NHSL2: variants seen among roughly 807,000 people sequenced by gnomAD.
The protein encoded by NHSL2 is NHS-like protein 2.
Under a neutral mutation model 53.4 loss-of-function variants are expected in NHSL2, and 27 were observed. That is an observed-to-expected ratio of 0.51 (90% confidence interval 0.37 to 0.70). The LOEUF is 0.70. Ranked by LOEUF, NHSL2 falls within the 30% of genes least tolerant of loss-of-function variation. The pLI is 0.00. For missense variants in NHSL2, 892 were observed against 980.1 expected, an observed-to-expected ratio of 0.91 and a Z score of 1.20; for synonymous variants, 408 against 404.1, an observed-to-expected ratio of 1.01 and a Z score of -0.12.
intron 1 of NHSL2, among the ~76,000 whole-genome samples, chrX:72,058,364 G>C (rs2042380871): frequency 9.1e-6 from 1 of 110,042 alleles, no homozygotes; most frequent in African/African-American, 3.3e-5. Context: ...AATTTTTTTT[G>C]AGATGGAGTC....
intron 1 of NHSL2, among the ~76,000 whole-genome samples, chrX:72,069,256 C>T (rs1407713935): frequency 1.8e-5 from 2 of 111,170 alleles, no homozygotes; most frequent in African/African-American, 3.3e-5. Context: ...GCGGGCGAGT[C>T]GGGTCCCGGG....
intron 1 of NHSL2, among the ~76,000 whole-genome samples, chrX:71,933,983 C>T (rs1569464010): frequency 9.0e-6 from 1 of 111,370 alleles, no homozygotes; most frequent in Non-Finnish European, 1.9e-5. Flanking sequence ...CAGGCACCTC[C>T]AAGAGCGACC....
intron 1 of NHSL2, among the ~76,000 whole-genome samples, chrX:71,993,304 C>T (rs1203223633): frequency 2.7e-5 from 3 of 112,417 alleles, no homozygotes; most frequent in African/African-American, 3.2e-5. Context: ...TTATGTTCAG[C>T]GAAAGGCCTT....
At chrX:71,998,731 C>G (rs2042060395) in intron 1 of NHSL2, among the ~76,000 whole-genome samples, 2 of 111,521 alleles carry the variant, frequency 1.8e-5, no homozygotes, top group African/African-American at 6.5e-5. Context: ...TTTCTGCACT[C>G]TCAGGGAGGA....
chrX:72,014,252 G>T (rs1427221714), intron 1 of NHSL2, among the ~76,000 whole-genome samples: 1 of 111,448 alleles, frequency 9.0e-6, no homozygotes, highest in Non-Finnish European at 1.9e-5. Flanking sequence ...TTATTTCATT[G>T]ATTTTCTCTA....
Position 72,138,990 on chromosome X carries a change from C to A in NHSL2, c.1442C>A (p.Thr481Asn). The change falls in exon 6 of 8, where the codon ACC (threonine) becomes AAC (asparagine). Residue 481 changes from threonine (T) to asparagine (N), a missense_variant. Thr to Asn is a moderately conservative substitution (Grantham distance 65). Transcript: ENST00000633930. Reference sequence around the variant, plus strand: ...AAGATTGGCCTTCTGACCAGTGGGACCTCGAGGCTGGAGACAGGCCCCGGT... The same window carrying A: ...AAGATTGGCCTTCTGACCAGTGGGAACTCGAGGCTGGAGACAGGCCCCGGT... ...PSKIGLLTSGTSRLETGPGGA... is the reference protein window; with the variant it reads ...PSKIGLLTSGNSRLETGPGGA... 3 of 1,190,549 alleles carry A rather than the reference C, an allele frequency of 2.5e-6. No homozygotes were observed. Among genetic ancestry groups the A allele is most frequent in the South Asian group, 1.8e-5 (1 of 54,232 alleles).
At chrX:72,040,356 A>C (rs2042267012) in intron 1 of NHSL2, among the ~76,000 whole-genome samples, 1 of 112,357 alleles carries the variant, frequency 8.9e-6, no homozygotes, top group South Asian at 3.7e-4. Context: ...AACGGCCCTA[A>C]CACTTATTAA....
intron 1 of NHSL2, among the ~76,000 whole-genome samples, chrX:72,123,500 G>A (rs1483751838): frequency 6.3e-5 from 7 of 111,444 alleles, no homozygotes; most frequent in Admixed American, 5.7e-4. Flanking sequence ...GCCTGCTTCA[G>A]TAGCTCAGGT....
intron 1 of NHSL2, among the ~76,000 whole-genome samples, chrX:71,935,150 T>G (rs1426872741): frequency 8.9e-6 from 1 of 112,009 alleles, no homozygotes; most frequent in Non-Finnish European, 1.9e-5. Flanking sequence ...CGGGAGTCCT[T>G]CAGGGTCTCT....
chrX:72,059,301 G>A (rs1456011252), intron 1 of NHSL2, among the ~76,000 whole-genome samples: 2 of 110,565 alleles, frequency 1.8e-5, no homozygotes, highest in Admixed American at 9.6e-5. Context: ...TGGTGTCCCG[G>A]CCCCTCTCCA....
At chrX:71,990,268 C>T (rs1313710569) in intron 1 of NHSL2, among the ~76,000 whole-genome samples, 3 of 111,904 alleles carry the variant, frequency 2.7e-5, no homozygotes, top group Admixed American at 1.9e-4. Context: ...AAGGCCCAGA[C>T]TCAATTTTCC....
Position 71,964,012 on chromosome X carries a change from T to TGTATATATATATAC in NHSL2, c.280+52645_280+52646insGTATATATATATAC, listed in dbSNP as rs1569467091. On this transcript the variant is annotated intron_variant, in intron 1 of 7. Coordinates refer to ENST00000633930, the MANE Select transcript of NHSL2 (RefSeq NM_001013627.3). ...ATATATGTATATACATATATATATG[T>TGTATATATATATAC]ATATATATATATGTGTATATATATA... is the stretch of plus-strand genomic sequence containing the variant. Among the ~76,000 whole-genome samples, 8 of 2,270 alleles carry TGTATATATATATAC rather than the reference T, an allele frequency of 3.5e-3. 1 individual carries two copies. Among genetic ancestry groups the TGTATATATATATAC allele is most frequent in the Non-Finnish European group, 0.027 (7 of 258 alleles). The allele number at this position is 2,270 out of a possible 115,157, so 2.0% of individuals were successfully genotyped here. A position where few individuals can be genotyped will look rare whatever the true frequency, so the allele number is the denominator to read the frequency against.
At chrX:72,007,043 C>A (rs1370273807) in intron 1 of NHSL2, among the ~76,000 whole-genome samples, 2 of 111,930 alleles carry the variant, frequency 1.8e-5, no homozygotes, top group Non-Finnish European at 3.8e-5. Flanking sequence ...CATGGATCTA[C>A]TTGAGCCACT....
chrX:72,014,988 C>T (rs890899965), intron 1 of NHSL2, among the ~76,000 whole-genome samples: 8 of 110,350 alleles, frequency 7.2e-5, no homozygotes, highest in African/African-American at 2.6e-4. Context: ...GGAACGGGAC[C>T]ACATATTTTT....
At chrX:71,964,103 T>C (rs1324128966) in intron 1 of NHSL2, among the ~76,000 whole-genome samples, 1 of 93,528 alleles carries the variant, frequency 1.1e-5, no homozygotes, top group Non-Finnish European at 2.2e-5. Context: ...CTGGGTTACA[T>C]GTGCAGAACA....
intron 1 of NHSL2, among the ~76,000 whole-genome samples, chrX:71,948,983 C>T (rs2041807564): frequency 1.9e-5 from 2 of 106,308 alleles, no homozygotes; most frequent in South Asian, 9.0e-4. Flanking sequence ...GTCTCAAATT[C>T]CTGAGCTCAA....
intron 1 of NHSL2, among the ~76,000 whole-genome samples, chrX:72,120,334 G>A (rs1223888868): frequency 8.9e-6 from 1 of 112,257 alleles, no homozygotes; most frequent in Non-Finnish European, 1.9e-5. Context: ...GCTTTTCTTT[G>A]TCAGCAGTTT....
chrX:72,136,065 C>G (rs2042353406), intron 4 of NHSL2, among the ~76,000 whole-genome samples: 1 of 110,673 alleles, frequency 9.0e-6, no homozygotes, highest in African/African-American at 3.3e-5. Context: ...GTCTTCCTCT[C>G]AATGAGGCTG....
rs769398766 is a variant in NHSL2, at chrX:72,144,538, A to G, written c.*964A>G. ...CATCAAAGGCTCAAGGATAATGGAA[A>G]GTAAGTGCATCTTGCCCCCCACCAG... is the stretch of plus-strand genomic sequence containing the variant. On this transcript the variant is annotated 3_prime_UTR_variant, in exon 8 of 8. Transcript: ENST00000633930. The G allele has an allele frequency of 2.0e-6, 2 of 1,023,661 alleles. No individual in the cohort carries two copies. Among genetic ancestry groups the G allele is most frequent in the Non-Finnish European group, 2.6e-6 (2 of 776,717 alleles). 84.4% of individuals were successfully genotyped at this position (1,023,661 alleles called of 1,213,427 possible).
Sources: allele counts gnomAD v4.1 joint callset (sites outside exome capture counted in the v4.1 genomes callset), GRCh38; gene constraint gnomAD v4.1.1; transcripts MANE v1.5; gene names NCBI Gene and HGNC (gene_info 2026-07-23, HGNC 2026-07-21).